TPD52: variants seen among roughly 807,000 people sequenced by gnomAD.
TPD52 encodes prostate and colon associated protein.
A neutral mutation model predicts 31.3 loss-of-function variants in TPD52; 17 were observed. The observed-to-expected ratio is 0.54, with a 90% CI of 0.37 to 0.82. The LOEUF (loss-of-function observed/expected upper bound fraction) is 0.82, where lower values mean the gene tolerates loss of function less well. TPD52 is among the 40% of genes least tolerant of loss of function. The pLI is 0.00. For missense variants in TPD52, 212 were observed against 240.1 expected (o/e 0.88, Z 0.77); for synonymous variants, 83 against 89.6 (o/e 0.93, Z 0.42).
chr8:80,128,810 G>A (rs1347109620), intron 1 of TPD52, among the ~76,000 whole-genome samples: 1 of 151,470 alleles, frequency 6.6e-6, no homozygotes, highest in Admixed American at 6.6e-5. Flanking sequence ...AAAATTTGCA[G>A]TAAATTTTAA....
intron 1 of TPD52, among the ~76,000 whole-genome samples, chr8:80,081,963 A>G (rs1196022368): frequency 6.6e-6 from 1 of 151,892 alleles, no homozygotes; most frequent in Non-Finnish European, 1.5e-5. Context: ...ACCACCCACT[A>G]TGCCCGGCTA....
intron 1 of TPD52, among the ~76,000 whole-genome samples, chr8:80,128,318 C>T (rs1808774283): frequency 6.6e-6 from 1 of 151,826 alleles, no homozygotes; most frequent in Admixed American, 6.6e-5. Context: ...CTAAAAATTT[C>T]AAGTACATTC....
chr8:80,151,772 C>A (rs1810583935), intron 1 of TPD52, among the ~76,000 whole-genome samples: 1 of 152,108 alleles, frequency 6.6e-6, no homozygotes, highest in Non-Finnish European at 1.5e-5. Flanking sequence ...GAAGCTCAGT[C>A]TCTTTTATAG....
chr8:80,054,202 T>G, intron 2 of TPD52, among the ~76,000 whole-genome samples: 1 of 152,138 alleles, frequency 6.6e-6, no homozygotes, highest in East Asian at 1.9e-4. Context: ...TGAGATGACA[T>G]TGCAAGTAGA....
chr8:80,092,852 A>T (rs1816389005), intron 1 of TPD52, among the ~76,000 whole-genome samples: 1 of 151,716 alleles, frequency 6.6e-6, no homozygotes, highest in South Asian at 2.1e-4. Context: ...AGAGGCTGGG[A>T]AGAGGAGGAG....
chr8:80,111,648 T>C (rs1388876508), intron 1 of TPD52, among the ~76,000 whole-genome samples: 1 of 152,224 alleles, frequency 6.6e-6, no homozygotes, highest in Non-Finnish European at 1.5e-5. Flanking sequence ...CCAGTGAGGT[T>C]TTTATCCAAT....
intron 1 of TPD52, among the ~76,000 whole-genome samples, chr8:80,075,841 T>C (rs1483203809): frequency 6.6e-6 from 1 of 152,216 alleles, no homozygotes; most frequent in African/African-American, 2.4e-5. Flanking sequence ...ACCACAGCCA[T>C]GTTTGCTATT....
At chr8:80,038,539 G>A (rs1340188300) in intron 7 of TPD52, among the ~76,000 whole-genome samples, 1 of 152,132 alleles carries the variant, frequency 6.6e-6, no homozygotes, top group African/African-American at 2.4e-5. Flanking sequence ...TTATTTTAAA[G>A]TACCTAGTGA....
chr8:80,137,818 A>C (rs1172912734), intron 1 of TPD52, among the ~76,000 whole-genome samples: 3 of 152,190 alleles, frequency 2.0e-5, no homozygotes, highest in African/African-American at 7.2e-5. Flanking sequence ...GTGGCCTGTA[A>C]TTCCAGCACT....
At chr8:80,139,229 G>A (rs1809646739) in intron 1 of TPD52, among the ~76,000 whole-genome samples, 2 of 152,210 alleles carry the variant, frequency 1.3e-5, no homozygotes, top group South Asian at 2.1e-4. Flanking sequence ...TTAGGACAGT[G>A]TTTTGTTTCT....
intron 7 of TPD52, among the ~76,000 whole-genome samples, chr8:80,038,899 A>G (rs1357854496): frequency 6.6e-6 from 1 of 152,254 alleles, no homozygotes; most frequent in African/African-American, 2.4e-5. Context: ...AATTTTGCCA[A>G]TAAGCATTTA....
At chr8:80,162,495 T>G (rs1441213740) in intron 1 of TPD52, among the ~76,000 whole-genome samples, 1 of 152,076 alleles carries the variant, frequency 6.6e-6, no homozygotes, top group Non-Finnish European at 1.5e-5. Flanking sequence ...CTCTGTAATT[T>G]TTTTTTTAAG....
intron 2 of TPD52, among the ~76,000 whole-genome samples, chr8:80,055,114 C>T (rs1227424415): frequency 6.6e-6 from 1 of 152,162 alleles, no homozygotes; most frequent in African/African-American, 2.4e-5. Flanking sequence ...ACTTCAGGCT[C>T]CAAAGCTTCA....
intron 1 of TPD52, among the ~76,000 whole-genome samples, chr8:80,150,541 A>G (rs1810502011): frequency 6.6e-6 from 1 of 152,238 alleles, no homozygotes; most frequent in African/African-American, 2.4e-5. Flanking sequence ...CCGTGAAAGC[A>G]GCTGGGAGGG....
At chr8:80,081,913 C>A (rs1447271839) in intron 1 of TPD52, among the ~76,000 whole-genome samples, 3 of 152,192 alleles carry the variant, frequency 2.0e-5, no homozygotes, top group Non-Finnish European at 2.9e-5. Context: ...AAGTGATTCT[C>A]CTGCCTCAGC....
chr8:80,038,850 T>C (rs1348214875), intron 7 of TPD52, among the ~76,000 whole-genome samples: 1 of 152,236 alleles, frequency 6.6e-6, no homozygotes, highest in Non-Finnish European at 1.5e-5. Flanking sequence ...ATGTGCACAT[T>C]ATAGTTTGTG....
intron 1 of TPD52, among the ~76,000 whole-genome samples, chr8:80,078,562 T>C (rs1323441904): frequency 6.6e-6 from 1 of 152,192 alleles, no homozygotes; most frequent in Non-Finnish European, 1.5e-5. Flanking sequence ...AGATGAGTAA[T>C]CACTCTTCCA....
chr8:80,046,797 A>G (rs1286475865), intron 5 of TPD52, among the ~76,000 whole-genome samples: 4 of 152,160 alleles, frequency 2.6e-5, no homozygotes, highest in Non-Finnish European at 4.4e-5. Flanking sequence ...CTCACACTGC[A>G]TTTACTCTTA....
chr8:80,034,984 A>G lies in TPD52; in HGVS notation c.*3132T>C, dbSNP rs1809807068. On this transcript the variant is annotated 3_prime_UTR_variant, in exon 8 of 8. Coordinates refer to ENST00000518937, the MANE Select transcript of TPD52 (RefSeq NM_001025253.3). ...AGTGAAAAGCTCTTAGTTCATTTTG[A>G]GTCAGAACAATAAGGAAATTATGAA... The G allele has an allele frequency of 6.6e-6, 1 of 152,218 alleles. No individual in the cohort carries two copies. The highest frequency in any genetic ancestry group is 2.4e-5 in the African/African-American group (1 of 41,462). 9.4% of individuals were successfully genotyped at this position (152,218 alleles called of 1,614,324 possible).
Sources: gnomAD v4.1 joint callset for allele counts (sites outside exome capture counted in the v4.1 genomes callset) on GRCh38, gnomAD v4.1.1 for gene constraint, MANE v1.5 for transcripts, NCBI Gene and HGNC (gene_info 2026-07-23, HGNC 2026-07-21) for gene names.